PRKD1: variants seen among roughly 807,000 people sequenced by gnomAD.
The protein encoded by PRKD1 is protein kinase D1.
A neutral mutation model predicts 95.9 loss-of-function variants in PRKD1; 63 were observed. The ratio of observed to expected loss-of-function variants is 0.66; its 90% confidence interval spans 0.54 to 0.81. PRKD1 has a LOEUF of 0.81. Ranked by LOEUF, PRKD1 falls within the 30% of genes least tolerant of loss-of-function variation. The pLI is 0.00. For synonymous variants in PRKD1, 425 were observed against 423.1 expected, an observed-to-expected ratio of 1.00 and a Z score of -0.05; for missense variants, 1,048 against 1,165.3, an observed-to-expected ratio of 0.90 and a Z score of 1.47.
At chr14:29,756,217 C>T (rs1489151211) in intron 1 of PRKD1, among the ~76,000 whole-genome samples, 1 of 152,072 alleles carries the variant, frequency 6.6e-6, no homozygotes, top group Non-Finnish European at 1.5e-5. Flanking sequence ...AAAAGTGACA[C>T]AAACTGAATT....
At chr14:29,702,796 G>T (rs1421699155) in intron 2 of PRKD1, among the ~76,000 whole-genome samples, 1 of 151,958 alleles carries the variant, frequency 6.6e-6, no homozygotes, top group African/African-American at 2.4e-5. Context: ...GCATTTAAGG[G>T]TATTGATTTT....
rs1173701577 is a variant in PRKD1, at chr14:29,826,816, C to CATATAT, written c.264+100427_264+100432dup. Among the ~76,000 whole-genome samples, 2 of 31,160 alleles carry CATATAT rather than the reference C, an allele frequency of 6.4e-5. 1 individual carries two copies. The highest frequency in any genetic ancestry group is 1.1e-4 in the Non-Finnish European group (2 of 17,644). The allele number at this position is 31,160 out of a possible 152,430, so 20.4% of individuals were successfully genotyped here. A position where few individuals can be genotyped will look rare whatever the true frequency, so the allele number is the denominator to read the frequency against. On this transcript the variant is annotated intron_variant, in intron 1 of 17. Coordinates refer to ENST00000331968, the MANE Select transcript of PRKD1 (RefSeq NM_002742.3). ...ACATATATATACACATATATATACA[C>CATATAT]ATATATATATATATATATATATACA...
At chr14:29,870,261 T>C (rs923255542) in intron 1 of PRKD1, among the ~76,000 whole-genome samples, 2 of 152,204 alleles carry the variant, frequency 1.3e-5, no homozygotes, top group Non-Finnish European at 2.9e-5. Flanking sequence ...CACAGTTGCA[T>C]CTTGTTTTGA....
intron 1 of PRKD1, among the ~76,000 whole-genome samples, chr14:29,915,556 T>C (rs1238702478): frequency 6.6e-6 from 1 of 152,090 alleles, no homozygotes; most frequent in Non-Finnish European, 1.5e-5. Context: ...TTATAAATGC[T>C]GAAGGGGTGG....
intron 2 of PRKD1, among the ~76,000 whole-genome samples, chr14:29,675,801 A>G (rs1452082221): frequency 6.6e-6 from 1 of 152,028 alleles, no homozygotes; most frequent in Non-Finnish European, 1.5e-5. Context: ...ATGCCACCAT[A>G]AAAAAGGATG....
At chr14:29,642,002 C>T (rs1287446113) in intron 4 of PRKD1, among the ~76,000 whole-genome samples, 3 of 147,328 alleles carry the variant, frequency 2.0e-5, no homozygotes, top group Admixed American at 7.0e-5. Context: ...CTCCCAGGTT[C>T]AAATGATTCT....
chr14:29,712,712 T>C (rs754759739), intron 2 of PRKD1, among the ~76,000 whole-genome samples: 9 of 152,190 alleles, frequency 5.9e-5, no homozygotes, highest in South Asian at 2.1e-4. Flanking sequence ...AATAGTGCTA[T>C]TGCTGTTTAA....
At chr14:29,913,123 AT>A (rs1455534150) in intron 1 of PRKD1, among the ~76,000 whole-genome samples, 2 of 152,254 alleles carry the variant, frequency 1.3e-5, no homozygotes, top group Non-Finnish European at 2.9e-5. Context: ...TTTTTAAGTT[AT>A]ACAGAAACAT....
chr14:29,642,794 T>C (rs532449472), intron 4 of PRKD1, among the ~76,000 whole-genome samples: 2 of 152,276 alleles, frequency 1.3e-5, no homozygotes, highest in East Asian at 3.9e-4. Flanking sequence ...GTCAACACTA[T>C]TGAAGGTTTT....
At chr14:29,843,820 C>G (rs568091622) in intron 1 of PRKD1, among the ~76,000 whole-genome samples, 3 of 152,036 alleles carry the variant, frequency 2.0e-5, no homozygotes, top group Non-Finnish European at 4.4e-5. Context: ...ATAGAGAAAA[C>G]AGTATGGGAG....
At chr14:29,704,967 A>T (rs988508140) in intron 2 of PRKD1, among the ~76,000 whole-genome samples, 9 of 152,118 alleles carry the variant, frequency 5.9e-5, no homozygotes, top group Admixed American at 5.2e-4. Flanking sequence ...ATGTAGTGTT[A>T]TTCCATCAAA....
intron 1 of PRKD1, among the ~76,000 whole-genome samples, chr14:29,821,743 C>A (rs1224997743): frequency 1.3e-5 from 2 of 152,116 alleles, no homozygotes; most frequent in African/African-American, 4.8e-5. Context: ...TCATAATAAA[C>A]CATTGTTAAA....
intron 1 of PRKD1, among the ~76,000 whole-genome samples, chr14:29,732,417 C>G (rs1566567695): frequency 6.6e-6 from 1 of 152,004 alleles, no homozygotes; most frequent in Non-Finnish European, 1.5e-5. Context: ...TCTCCTCTTC[C>G]TGCCTTTATG....
intron 2 of PRKD1, among the ~76,000 whole-genome samples, chr14:29,682,252 T>C (rs1357620236): frequency 6.6e-6 from 1 of 152,200 alleles, no homozygotes; most frequent in Non-Finnish European, 1.5e-5. Flanking sequence ...GTGACTATGA[T>C]GCACTTATTT....
At chr14:29,793,294 T>C (rs1889636842) in intron 1 of PRKD1, among the ~76,000 whole-genome samples, 1 of 151,696 alleles carries the variant, frequency 6.6e-6, no homozygotes, top group South Asian at 2.1e-4. Context: ...AAAAAAAATG[T>C]CCACAGGAAA....
At chr14:29,856,828 T>G (rs1351896040) in intron 1 of PRKD1, among the ~76,000 whole-genome samples, 1 of 152,222 alleles carries the variant, frequency 6.6e-6, no homozygotes, top group Non-Finnish European at 1.5e-5. Flanking sequence ...GCTCCAAGTC[T>G]TTCTTCTGTA....
chr14:29,824,344 A>G (rs1891031055), intron 1 of PRKD1, among the ~76,000 whole-genome samples: 1 of 152,198 alleles, frequency 6.6e-6, no homozygotes, highest in Non-Finnish European at 1.5e-5. Context: ...ATTAGAGGTA[A>G]GAACTATACT....
intron 1 of PRKD1, among the ~76,000 whole-genome samples, chr14:29,782,804 A>G (rs919662617): frequency 3.3e-5 from 5 of 152,174 alleles, no homozygotes; most frequent in Non-Finnish European, 7.4e-5. Flanking sequence ...TTGGCCACCT[A>G]AAGTGCCAGT....
chr14:29,895,750 C>T (rs1419186031), intron 1 of PRKD1, among the ~76,000 whole-genome samples: 1 of 152,124 alleles, frequency 6.6e-6, no homozygotes, highest in African/African-American at 2.4e-5. Context: ...CACTCTCCAC[C>T]GACATGTCCA....
Sources: allele counts gnomAD v4.1 joint callset (sites outside exome capture counted in the v4.1 genomes callset), GRCh38; gene constraint gnomAD v4.1.1; transcripts MANE v1.5; gene names NCBI Gene and HGNC (gene_info 2026-07-23, HGNC 2026-07-21).